FNDC3A: variants seen among roughly 807,000 people sequenced by gnomAD.
The protein encoded by FNDC3A is fibronectin type-III domain-containing protein 3A.
A neutral mutation model predicts 148.9 loss-of-function variants in FNDC3A; 32 were observed. That is an observed-to-expected ratio of 0.21 (90% CI 0.16 to 0.29). The LOEUF is 0.29. Ranked by LOEUF, FNDC3A falls within the 10% of genes least tolerant of loss-of-function variation. FNDC3A has a pLI of 1.00. For synonymous variants in FNDC3A, 472 were observed against 473.6 expected, an observed-to-expected ratio of 1.00 and a Z score of 0.04; for missense variants, 1,191 against 1,452.8, an observed-to-expected ratio of 0.82 and a Z score of 2.93.
intron 10 of FNDC3A, among the ~76,000 whole-genome samples, chr13:49,171,520 G>A (rs1008758472): frequency 3.9e-5 from 6 of 152,244 alleles, no homozygotes; most frequent in East Asian, 3.9e-4. Flanking sequence ...AAGGGAGACT[G>A]CATACTTTTA....
intron 8 of FNDC3A, among the ~76,000 whole-genome samples, chr13:49,151,601 G>A (rs942644594): frequency 1.3e-4 from 20 of 151,972 alleles, no homozygotes; most frequent in Admixed American, 2.6e-4. Context: ...TATACTTTAA[G>A]TTATAGGGTA....
At position 49,144,256 on chromosome 13, in the gene FNDC3A, A is replaced by G. The variant is rs1439793521; in HGVS notation, c.820-1522A>G. Among the ~76,000 whole-genome samples, 2 of 152,122 alleles carry G rather than the reference A, an allele frequency of 1.3e-5. 1 individual carries two copies. The highest frequency in any genetic ancestry group is 2.9e-5 in the Non-Finnish European group (2 of 67,994). On this transcript the variant is annotated intron_variant, in intron 7 of 25. Transcript: ENST00000492622. ...AGCCAGCTGTATACTGGATCATACA[A>G]AGAATCATTTTTAAGTTCATTGTAA...
intron 3 of FNDC3A, among the ~76,000 whole-genome samples, chr13:49,106,793 A>C (rs887063975): frequency 6.8e-6 from 1 of 147,704 alleles, no homozygotes; most frequent in Non-Finnish European, 1.5e-5. Flanking sequence ...AAAAAAAAAA[A>C]CCAACAACAA....
At position 49,015,521 on chromosome 13, in the gene FNDC3A, G is replaced by A. The variant is rs184053417; in HGVS notation, c.99+9232G>A. ...TGGGCTGAGACAGTGGGGTTTTCTC[G>A]ATATACAATCATGTCGTCTGCAAAC... On this transcript the variant is annotated intron_variant, in intron 2 of 25. Transcript: ENST00000492622. Among the ~76,000 whole-genome samples, 1,259 of 152,242 alleles carry A rather than the reference G, an allele frequency of 8.3e-3. 46 individuals are homozygous for A. Among genetic ancestry groups the A allele is most frequent in the Admixed American group, 0.068 (1,039 of 15,290 alleles).
chr13:49,066,593 A>C (rs768519400), intron 2 of FNDC3A, among the ~76,000 whole-genome samples: 1 of 152,244 alleles, frequency 6.6e-6, no homozygotes, highest in African/African-American at 2.4e-5. Context: ...AGACTTAAGT[A>C]ACATACCCAA....
rs1031608341 is a variant in FNDC3A, at chr13:49,124,612, G to T, written c.253-6525G>T. 2.0e-5 allele frequency among the ~76,000 whole-genome samples: 3 copies of T among 152,102 alleles called. 1 individual carries two copies. The highest frequency in any genetic ancestry group is 3.2e-3 in the Middle Eastern group (1 of 316). On this transcript the variant is annotated intron_variant, in intron 4 of 25. Transcript: ENST00000492622. ...ACCTCCATAGCCATTTCTGGGGCCT[G>T]CTTGGTCCTTATTTTAGGCAGAACC...
intron 19 of FNDC3A, among the ~76,000 whole-genome samples, chr13:49,192,519 A>G (rs544034000): frequency 9.2e-5 from 14 of 151,546 alleles, no homozygotes; most frequent in African/African-American, 3.4e-4. Flanking sequence ...TTAGTCTCAA[A>G]CTCCTGGGCT....
intron 16 of FNDC3A, 143 bp from the exon 17 acceptor site, chr13:49,188,372 C>T (rs992620808): frequency 3.4e-5 from 21 of 624,148 alleles, no homozygotes; most frequent in Non-Finnish European, 6.0e-5. Context: ...AGATCATTTC[C>T]AGGAAACCGA....
intron 2 of FNDC3A, among the ~76,000 whole-genome samples, chr13:49,017,035 T>G (rs533206808): frequency 2.0e-5 from 3 of 152,088 alleles, no homozygotes; most frequent in Admixed American, 2.0e-4. Flanking sequence ...TGTGGTCAAT[T>G]TTGGAATAGG....
chr13:49,001,220 C>T (rs899392908), intron 1 of FNDC3A, among the ~76,000 whole-genome samples: 5 of 152,196 alleles, frequency 3.3e-5, no homozygotes, highest in Non-Finnish European at 5.9e-5. Context: ...GATCTCCAAA[C>T]ATAAATTGTG....
chr13:49,060,720 T>C (rs1876618304), intron 2 of FNDC3A, among the ~76,000 whole-genome samples: 1 of 143,580 alleles, frequency 7.0e-6, no homozygotes, highest in South Asian at 2.2e-4. Flanking sequence ...CTGTACTGAG[T>C]GAAAAGAAGC....
chr13:49,058,718 C>A (rs1876437871), intron 2 of FNDC3A, among the ~76,000 whole-genome samples: 1 of 152,182 alleles, frequency 6.6e-6, no homozygotes, highest in Non-Finnish European at 1.5e-5. Flanking sequence ...AGTCACCCAA[C>A]CTGTAGTATT....
intron 25 of FNDC3A, among the ~76,000 whole-genome samples, chr13:49,206,337 T>G (rs934884129): frequency 1.3e-5 from 2 of 151,374 alleles, no homozygotes; most frequent in Non-Finnish European, 3.0e-5. Context: ...GTATATAGCT[T>G]CTTATTTATG....
chr13:49,037,003 AAGGATCAGT>A (rs1192263399), intron 2 of FNDC3A, among the ~76,000 whole-genome samples: 3 of 152,220 alleles, frequency 2.0e-5, no homozygotes, highest in Non-Finnish European at 2.9e-5. Context: ...TGGAAAGCTA[AAGGATCAGT>A]ATAGGAAAAT....
intron 19 of FNDC3A, among the ~76,000 whole-genome samples, chr13:49,193,547 C>T (rs771036965): frequency 1.8e-4 from 27 of 152,176 alleles, no homozygotes; most frequent in Admixed American, 5.2e-4. Context: ...CAGGCATGAG[C>T]CTCTGCACCT....
At chr13:49,193,037 C>CT (rs934285526) in intron 19 of FNDC3A, among the ~76,000 whole-genome samples, 35 of 152,200 alleles carry the variant, frequency 2.3e-4, no homozygotes, top group Admixed American at 1.1e-3. Context: ...TCATGGAAAA[C>CT]TTTTTTTAAT....
At chr13:49,058,483 T>A (rs759309100) in intron 2 of FNDC3A, among the ~76,000 whole-genome samples, 7 of 152,054 alleles carry the variant, frequency 4.6e-5, no homozygotes, top group Non-Finnish European at 4.4e-5. Context: ...TGAGGGGTGG[T>A]CTCCTCCCTT....
chr13:49,143,592 G>A (rs1882810468), intron 7 of FNDC3A, among the ~76,000 whole-genome samples: 1 of 151,996 alleles, frequency 6.6e-6, no homozygotes, highest in East Asian at 1.9e-4. Flanking sequence ...GATAGACAGG[G>A]ATTCCATACT....
chr13:49,069,754 T>C (rs2994378), intron 2 of FNDC3A, among the ~76,000 whole-genome samples: 47,841 of 152,058 alleles, frequency 0.31, 7,629 homozygotes, highest in South Asian at 0.48. Context: ...AAGAAGTGTT[T>C]GACAAGAGGA....
Sources: allele counts gnomAD v4.1 joint callset (sites outside exome capture counted in the v4.1 genomes callset), GRCh38; gene constraint gnomAD v4.1.1; transcripts MANE v1.5; gene names NCBI Gene and HGNC (gene_info 2026-07-23, HGNC 2026-07-21).